Variants in SH3GL1 observed in about 807,000 individuals in gnomAD.
SH3GL1 encodes SH3 domain containing GRB2 like 1, endophilin A2, also known as endophilin-A2.
A neutral mutation model predicts 48.8 loss-of-function variants in SH3GL1; 21 were observed. The observed-to-expected ratio is 0.43, with a 90% CI of 0.30 to 0.62. SH3GL1 has a LOEUF of 0.62. SH3GL1 is among the 20% of genes least tolerant of loss of function. SH3GL1 has a pLI of 0.11. For synonymous variants in SH3GL1, 282 were observed against 217.5 expected, an observed-to-expected ratio of 1.30 and a Z score of -2.61; for missense variants, 454 against 503.0, an observed-to-expected ratio of 0.90 and a Z score of 0.93.
At chr19:4,365,650 G>T in intron 3 of SH3GL1, 25 bp from the exon 4 acceptor site, 1 of 1,612,856 alleles carries the variant, frequency 6.2e-7, no homozygotes, top group Non-Finnish European at 8.5e-7. Context: ...CCAGGTGGGT[G>T]TGGGCTGTGA....
intron 1 of SH3GL1, among the ~76,000 whole-genome samples, chr19:4,377,693 C>T (rs545204813): frequency 6.6e-6 from 1 of 152,370 alleles, no homozygotes; most frequent in African/African-American, 2.4e-5. Context: ...CGCCAGGTCA[C>T]GTGCACTGGC....
At position 4,372,740 on chromosome 19, in the gene SH3GL1, G is replaced by A. The variant is rs567302409; in HGVS notation, c.46-5746C>T. 1.6e-3 allele frequency among the ~76,000 whole-genome samples: 248 copies of A among 152,264 alleles called. 2 individuals carry two copies. The highest frequency in any genetic ancestry group is 5.6e-3 in the African/African-American group (232 of 41,554). On this transcript the variant is annotated intron_variant, in intron 1 of 9. Transcript: ENST00000269886. Reference sequence around the variant, plus strand: ...CCATGAGTCAAAAAGTCGAAGACGCGCACAGCCTGGAGGCGGCCTGCTGCC... The same window carrying A: ...CCATGAGTCAAAAAGTCGAAGACGCACACAGCCTGGAGGCGGCCTGCTGCC...
chr19:4,378,072 C>T (rs1256875864), intron 1 of SH3GL1, among the ~76,000 whole-genome samples: 1 of 152,222 alleles, frequency 6.6e-6, no homozygotes, highest in Non-Finnish European at 1.5e-5. Flanking sequence ...CCAGCAGGGC[C>T]AGGCACAGGG....
At chr19:4,381,564 T>C in intron 1 of SH3GL1, among the ~76,000 whole-genome samples, 1 of 68,256 alleles carries the variant, frequency 1.5e-5, no homozygotes, top group Non-Finnish European at 2.7e-5. Context: ...CCCCTGCCTC[T>C]CTCTGTTCCC....
chr19:4,361,410 C>G lies in SH3GL1; in HGVS notation c.*190G>C, dbSNP rs1454683221. 9 of 591,882 alleles carry G rather than the reference C, an allele frequency of 1.5e-5. No homozygotes were observed. The Admixed American group carries it at 1.8e-4, about 12-fold the overall frequency. 36.7% of individuals were successfully genotyped at this position (591,882 alleles called of 1,614,324 possible). On this transcript the variant is annotated 3_prime_UTR_variant, in exon 10 of 10. Transcript: ENST00000269886. ...TCAGCGCTAGTGTAAACAGGCATCCCCACCCACCCAGATAAGCCCCCCCAC... is the reference window on the plus strand; with the variant it reads ...TCAGCGCTAGTGTAAACAGGCATCCGCACCCACCCAGATAAGCCCCCCCAC...
chr19:4,388,917 T>C (rs1294877386), intron 1 of SH3GL1, among the ~76,000 whole-genome samples: 2 of 152,054 alleles, frequency 1.3e-5, no homozygotes, highest in East Asian at 3.9e-4. Context: ...CAGGAGACAC[T>C]CTCTGAGCTG....
chr19:4,391,810 C>G (rs745574388), intron 1 of SH3GL1, among the ~76,000 whole-genome samples: 8 of 152,202 alleles, frequency 5.3e-5, no homozygotes, highest in Non-Finnish European at 1.2e-4. Context: ...TGGTTCCACC[C>G]GTCTGCAAGC....
intron 1 of SH3GL1, among the ~76,000 whole-genome samples, chr19:4,369,346 T>C (rs1457753861): frequency 6.6e-6 from 1 of 152,202 alleles, no homozygotes. Flanking sequence ...AATGAGTGGC[T>C]GATGTGAGAC....
At chr19:4,383,388 T>A (rs969916899) in intron 1 of SH3GL1, among the ~76,000 whole-genome samples, 1 of 151,832 alleles carries the variant, frequency 6.6e-6, no homozygotes, top group Non-Finnish European at 1.5e-5. Context: ...TTATTTTTTT[T>A]TTTATTTTTT....
chr19:4,363,433 T>C lies in SH3GL1; in HGVS notation c.665A>G (p.Gln222Arg), dbSNP rs1972680241. ...VSQLSALVDAQLDYHRQAVQI... is the reference protein window; with the variant it reads ...VSQLSALVDARLDYHRQAVQI... ...CACGGCCTGCCGGTGGTAGTCCAGCTGTGCATCCACCAGGGCCGAGAGCTG... is the reference window on the plus strand; with the variant it reads ...CACGGCCTGCCGGTGGTAGTCCAGCCGTGCATCCACCAGGGCCGAGAGCTG... Residue 222 changes from glutamine (Q) to arginine (R), a missense_variant, in exon 7 of 10, where the codon CAG (glutamine) becomes CGG (arginine). This residue lies in a region of SH3GL1 where 278 missense variants were observed against 246.8 expected (regional missense o/e 1.13). Coordinates refer to ENST00000269886, the MANE Select transcript of SH3GL1 (RefSeq NM_003025.4). 6.2e-7 allele frequency: 1 copy of C among 1,612,862 alleles called. No individual in the cohort carries two copies. The highest frequency in any genetic ancestry group is 2.2e-5 in the East Asian group (1 of 44,844).
rs190925803 is a variant in SH3GL1 at position 4,386,967 on chromosome 19, T to C, written c.45+13357A>G. ...TTCTTTTTCTTTTGAGATGGAGTCT[T>C]GCTCTGTCGCCCAGGCTGGAGTGCA... On this transcript the variant is annotated intron_variant, in intron 1 of 9. Transcript: ENST00000269886. Among the ~76,000 whole-genome samples the C allele has an allele frequency of 4.5e-3, 683 of 152,330 alleles. 5 individuals are homozygous for C. The highest frequency in any genetic ancestry group is 0.015 in the African/African-American group (625 of 41,580).
chr19:4,361,343 C>A lies in SH3GL1; in HGVS notation c.*257G>T. Reference sequence around the variant, plus strand: ...AGAAGTTGGGGAGCGGGGGAGGAGGCTGGCGCCATGGAGTGGGGAAGGGAG... The same window carrying A: ...AGAAGTTGGGGAGCGGGGGAGGAGGATGGCGCCATGGAGTGGGGAAGGGAG... On this transcript the variant is annotated 3_prime_UTR_variant, in exon 10 of 10. Coordinates refer to ENST00000269886, the MANE Select transcript of SH3GL1 (RefSeq NM_003025.4). 5 of 525,476 alleles carry A rather than the reference C, an allele frequency of 9.5e-6. No individual in the cohort carries two copies. In the South Asian group the frequency reaches 1.2e-4, roughly 13 times the overall value. 32.6% of individuals were successfully genotyped at this position (525,476 alleles called of 1,614,324 possible). A position where few individuals can be genotyped will look rare whatever the true frequency, so the allele number is the denominator to read the frequency against.
chr19:4,366,587 C>T lies in SH3GL1; in HGVS notation c.115-14G>A, dbSNP rs1343381870. On this transcript the variant is annotated splice_polypyrimidine_tract_variant and intron_variant, in intron 2 of 9. Coordinates refer to ENST00000269886, the MANE Select transcript of SH3GL1 (RefSeq NM_003025.4). The stretch of plus-strand genomic sequence containing the variant: ...GACATCCACCTTCTGTGAAGAGAAG[C>T]AGCATATAAGACTCCACAGCCAGTG... 1 of 1,610,078 alleles carries T rather than the reference C, an allele frequency of 6.2e-7. No homozygotes were observed. Among genetic ancestry groups the T allele is most frequent in the Admixed American group, 1.7e-5 (1 of 59,562 alleles).
intron 1 of SH3GL1, among the ~76,000 whole-genome samples, chr19:4,391,489 G>A (rs956666859): frequency 1.3e-5 from 2 of 152,202 alleles, no homozygotes; most frequent in African/African-American, 4.8e-5. Context: ...ACTTTTAGCC[G>A]AACTTTCAGC....
intron 1 of SH3GL1, among the ~76,000 whole-genome samples, chr19:4,381,436 CCTCTCTGTCCCCCTACCTCTGTCTCCCAT>C (rs1973127213): frequency 3.4e-5 from 4 of 118,508 alleles, no homozygotes; most frequent in African/African-American, 1.3e-4. Flanking sequence ...GTCCCCTCTG[CCTCTCTGTCCCCCTACCTCTGTCTCCCAT>C]CTCTCTGTCC....
intron 1 of SH3GL1, among the ~76,000 whole-genome samples, chr19:4,394,610 A>C (rs1973393349): frequency 6.6e-6 from 1 of 152,170 alleles, no homozygotes; most frequent in Admixed American, 6.5e-5. Flanking sequence ...CCTGGAACCC[A>C]CTAAGGTTCT....
intron 6 of SH3GL1, 112 bp from the exon 7 acceptor site, chr19:4,363,585 TG>T: frequency 6.9e-7 from 1 of 1,451,466 alleles, no homozygotes; most frequent in Non-Finnish European, 9.6e-7. Context: ...GACAGGGGAC[TG>T]GGGCCCATAC....
chr19:4,399,463 AGAAG>A lies in SH3GL1; in HGVS notation c.45+857_45+860del, dbSNP rs367741466. ...AAGGAGGGAGGGAGGAAGGAAGGAA[AGAAG>A]GAAGGAAGGAACGAAGGGAGGGAAG... On this transcript the variant is annotated intron_variant, in intron 1 of 9. Transcript: ENST00000269886. 4.5e-4 allele frequency among the ~76,000 whole-genome samples: 68 copies of A among 151,882 alleles called. No individual in the cohort carries two copies. In the South Asian group the frequency reaches 5.4e-3, roughly 12 times the overall value.
At position 4,361,320 on chromosome 19, in the gene SH3GL1, A is replaced by C; in HGVS notation, c.*280T>G. On this transcript the variant is annotated 3_prime_UTR_variant, in exon 10 of 10. Transcript: ENST00000269886. ...GCCCCGCCTCGGCCAGCTGGGCGAG[A>C]AGTTGGGGAGCGGGGGAGGAGGCTG... The C allele has an allele frequency of 2.0e-6, 1 of 499,034 alleles. No individual in the cohort carries two copies. The highest frequency in any genetic ancestry group is 3.6e-6 in the Non-Finnish European group (1 of 279,788). The allele number at this position is 499,034 out of a possible 1,614,324, so 30.9% of individuals were successfully genotyped here.
Sources: gnomAD v4.1 joint callset for allele counts (sites outside exome capture counted in the v4.1 genomes callset) on GRCh38, gnomAD v4.1.1 for gene constraint, gnomAD v4.1.1 regional missense constraint, MANE v1.5 for transcripts, NCBI Gene and HGNC (gene_info 2026-07-23, HGNC 2026-07-21) for gene names.